FTSJ3: variants seen among roughly 807,000 people sequenced by gnomAD.
FTSJ3 encodes the protein FtsJ RNA 2'-O-methyltransferase 3, also known as pre-rRNA 2'-O-ribose RNA methyltransferase FTSJ3.
A neutral mutation model predicts 111.5 loss-of-function variants in FTSJ3; 46 were observed. The ratio of observed to expected loss-of-function variants is 0.41; its 90% confidence interval spans 0.33 to 0.53. The LOEUF is 0.53. FTSJ3 is among the 20% of genes least tolerant of loss of function. The pLI, the probability that FTSJ3 is intolerant of heterozygous loss-of-function variation, is 0.19. For missense variants in FTSJ3, 1,075 were observed against 1,063.8 expected, an observed-to-expected ratio of 1.01 and a Z score of -0.15; for synonymous variants, 408 against 383.0, an observed-to-expected ratio of 1.07 and a Z score of -0.76.
Position 63,822,098 on chromosome 17 carries a change from T to G in FTSJ3, c.1361A>C (p.Asp454Ala). Residue 454 changes from aspartate (D) to alanine (A), a missense_variant, in exon 14 of 21, where the codon GAT (aspartate) becomes GCT (alanine). Asp to Ala is a moderately radical substitution (Grantham distance 126, BLOSUM62 -2). Coordinates refer to ENST00000427159, the MANE Select transcript of FTSJ3 (RefSeq NM_017647.4). ...GTCCTCAACATCTGACACATAGATA[T>G]CATCCCTTGGCAGATCGGACAGAAA... The part of the protein sequence containing the change: ...DTFLSDLPRD[D>A]IYVSDVEDDG... The G allele has an allele frequency of 1.9e-6, 3 of 1,614,226 alleles. No individual in the cohort carries two copies. The South Asian group carries it at 3.3e-5, about 18-fold the overall frequency.
At chr17:63,821,150 A>T (rs764408305) in intron 16 of FTSJ3, 35 bp from the exon 17 acceptor site, 4 of 1,598,118 alleles carry the variant, frequency 2.5e-6, no homozygotes, top group Non-Finnish European at 3.4e-6. Flanking sequence ...TGATTCCACC[A>T]CTCTGTACTA....
At chr17:63,825,660 G>A (rs2040091868) in intron 5 of FTSJ3, 25 bp from the exon 6 acceptor site, 9 of 1,586,018 alleles carry the variant, frequency 5.7e-6, no homozygotes, top group Non-Finnish European at 7.8e-6. Context: ...AGGAACTATG[G>A]AAACAGAAAC....
At chr17:63,823,731 C>G in intron 13 of FTSJ3, 86 bp downstream of exon 13, 1 of 1,492,230 alleles carries the variant, frequency 6.7e-7, no homozygotes, top group East Asian at 2.3e-5. Flanking sequence ...GTTCGGCAAC[C>G]TAAAAAGACA....
chr17:63,822,114 C>A lies in FTSJ3; in HGVS notation c.1345G>T (p.Asp449Tyr), dbSNP rs550844629. 2.8e-5 allele frequency: 46 copies of A among 1,614,154 alleles called. No homozygotes were observed. The African/African-American group carries it at 5.6e-4, about 20-fold the overall frequency. ...ACATAGATATCATCCCTTGGCAGAT[C>A]GGACAGAAATGTGTCTGCTGCACTC... is the stretch of plus-strand genomic sequence containing the variant. ...DMSAADTFLS[D>Y]LPRDDIYVSD... The change falls in exon 14 of 21, where the codon GAT (aspartate) becomes TAT (tyrosine). Residue 449 changes from aspartate to tyrosine, a missense_variant. Asp to Tyr is a radical substitution (Grantham distance 160). Transcript: ENST00000427159.
At chr17:63,825,764 T>C (rs564943314) in intron 5 of FTSJ3, 129 bp from the exon 6 acceptor site, 10 of 746,796 alleles carry the variant, frequency 1.3e-5, no homozygotes, top group Admixed American at 7.4e-5. Flanking sequence ...GGAGATACAA[T>C]AGTAAACAAA....
At position 63,825,128 on chromosome 17, in the gene FTSJ3, A is replaced by G; in HGVS notation, c.631T>C (p.Phe211Leu). The change falls in exon 8 of 21, where the codon TTT (phenylalanine) becomes CTT (leucine). Residue 211 changes from phenylalanine to leucine, a missense_variant. Physicochemically the swap from Phe to Leu is conservative, Grantham distance 22. Coordinates refer to ENST00000427159, the MANE Select transcript of FTSJ3 (RefSeq NM_017647.4). ...LAPDKVDSKF[F>L]DPKFAFKEVE... is the part of the protein sequence containing the mutation. The stretch of plus-strand genomic sequence containing the variant: ...TCCTTAAAGGCAAATTTGGGGTCAA[A>G]GAATTTACTGTCAACCTTGTCAGGG... The G allele has an allele frequency of 6.2e-7, 1 of 1,614,206 alleles. No individual in the cohort carries two copies. The highest frequency in any genetic ancestry group is 8.5e-7 in the Non-Finnish European group (1 of 1,180,044).
chr17:63,823,851 C>T lies in FTSJ3; in HGVS notation c.1256G>A (p.Gly419Asp). 6.2e-7 allele frequency: 1 copy of T among 1,614,150 alleles called. No individual in the cohort carries two copies. Among genetic ancestry groups the T allele is most frequent in the South Asian group, 1.1e-5 (1 of 91,082 alleles). ...GVSIADEGET[G>D]MFSLSTIRGH... ...CCGGATGGTGCTCAAGGAGAACATG[C>T]CAGTCTCCCCCTCGTCTGCAATGGA... The change falls in exon 13 of 21, where the codon GGC becomes GAC. Residue 419 changes from glycine to aspartate, a missense_variant. Gly to Asp is a moderately conservative substitution (Grantham distance 94). Coordinates refer to ENST00000427159, the MANE Select transcript of FTSJ3 (RefSeq NM_017647.4).
chr17:63,821,312 A>G, intron 16 of FTSJ3, 42 bp downstream of exon 16: 1 of 1,573,996 alleles, frequency 6.4e-7, no homozygotes, highest in Non-Finnish European at 8.6e-7. Flanking sequence ...GGTTCAAGCC[A>G]CCGCTTCCTT....
rs566462928 is a variant in FTSJ3 at position 63,827,065 on chromosome 17, C to G, written c.-40G>C. ...TCCGCACACTACCTAGACCCAGAGC[C>G]GCTTTCTCCACACTTGGAACCGCAC... On this transcript the variant is annotated 5_prime_UTR_variant, in exon 1 of 21. Transcript: ENST00000427159. 19 of 679,958 alleles carry G rather than the reference C, an allele frequency of 2.8e-5. No individual in the cohort carries two copies. The highest frequency in any genetic ancestry group is 7.7e-6 in the Non-Finnish European group (3 of 389,098). The allele number at this position is 679,958 out of a possible 1,614,324, so 42.1% of individuals were successfully genotyped here.
Position 63,821,856 on chromosome 17 carries a change from A to T in FTSJ3, c.1476-13T>A. On this transcript the variant is annotated splice_polypyrimidine_tract_variant and intron_variant, in intron 14 of 20. Transcript: ENST00000427159. ...AGTAAGTCGCATACTGTAGACCCAA[A>T]GGAAAGTAGGGGGCTCAGAGACCCA... 2 of 1,614,016 alleles carry T rather than the reference A, an allele frequency of 1.2e-6. No individual in the cohort carries two copies. The highest frequency in any genetic ancestry group is 1.7e-6 in the Non-Finnish European group (2 of 1,180,024).
chr17:63,826,797 T>A, intron 2 of FTSJ3, 39 bp downstream of exon 2: 1 of 1,596,298 alleles, frequency 6.3e-7, no homozygotes, highest in Non-Finnish European at 8.6e-7. Context: ...CGGGCAGAGA[T>A]CGCTCGCTCG....
chr17:63,825,721 G>T, intron 5 of FTSJ3, 86 bp from the exon 6 acceptor site: 1 of 1,223,418 alleles, frequency 8.2e-7, no homozygotes, highest in Non-Finnish European at 1.2e-6. Flanking sequence ...TTTGCTGAGT[G>T]CCCATCATGG....
chr17:63,827,008 ACTTCCCG>A, intron 1 of FTSJ3, 37 bp downstream of exon 1: 1 of 653,642 alleles, frequency 1.5e-6, no homozygotes, highest in Non-Finnish European at 2.5e-6. Context: ...CCAGTTTCCC[ACTTCCCG>A]CAGCAATTCC....
At chr17:63,823,669 G>T in intron 13 of FTSJ3, 148 bp downstream of exon 13, 1 of 778,060 alleles carries the variant, frequency 1.3e-6, no homozygotes, top group East Asian at 2.5e-5. Flanking sequence ...TTTCTTTGTG[G>T]CCTTATACTC....
intron 15 of FTSJ3, 27 bp downstream of exon 15, chr17:63,821,696 G>A (rs567770177): frequency 3.0e-5 from 48 of 1,614,100 alleles, no homozygotes; most frequent in South Asian, 2.6e-4. Flanking sequence ...TCATCTCCCC[G>A]CAGTCTTGCC....
Position 63,819,597 on chromosome 17 carries a change from T to G in FTSJ3, c.*205A>C. 1 of 577,494 alleles carries G rather than the reference T, an allele frequency of 1.7e-6. No homozygotes were observed. The highest frequency in any genetic ancestry group is 1.9e-5 in the African/African-American group (1 of 53,794). The allele number at this position is 577,494 out of a possible 1,614,324, so 35.8% of individuals were successfully genotyped here. A position where few individuals can be genotyped will look rare whatever the true frequency, so the allele number is the denominator to read the frequency against. Reference sequence around the variant, plus strand: ...GAGTGTCAACACAGTTCAGCAGTGTTTTCATGGGAGACCTTCAGGCAGGCA... The same window carrying G: ...GAGTGTCAACACAGTTCAGCAGTGTGTTCATGGGAGACCTTCAGGCAGGCA... On this transcript the variant is annotated 3_prime_UTR_variant, in exon 21 of 21. Transcript: ENST00000427159.
chr17:63,826,367 C>G (rs1237532414), intron 3 of FTSJ3, 63 bp from the exon 4 acceptor site: 1 of 1,488,484 alleles, frequency 6.7e-7, no homozygotes, highest in Non-Finnish European at 9.4e-7. Context: ...GGCAACTGAT[C>G]TCTCATCCCT....
intron 13 of FTSJ3, among the ~76,000 whole-genome samples, chr17:63,822,536 G>GT (rs1291795318): frequency 6.6e-6 from 1 of 152,216 alleles, no homozygotes; most frequent in African/African-American, 2.4e-5. Flanking sequence ...CGTCTACACA[G>GT]TTTGTTTCCA....
chr17:63,821,596 G>T lies in FTSJ3; in HGVS notation c.1644C>A (p.Ile548=), dbSNP rs1392591647. ...IEDDADEALE[I]SQAQLLFENR... is the part of the protein sequence containing the mutation. ...TCTCAAATAACAGCTGGGCCTGACTGATCTCCAGGGCCTCATCGGCATCGT... is the reference window on the plus strand; with the variant it reads ...TCTCAAATAACAGCTGGGCCTGACTTATCTCCAGGGCCTCATCGGCATCGT... Residue 548 remains isoleucine (I), a synonymous_variant, in exon 16 of 21, where the codon ATC becomes ATA. Coordinates refer to ENST00000427159, the MANE Select transcript of FTSJ3 (RefSeq NM_017647.4). 1.2e-6 allele frequency: 2 copies of T among 1,613,830 alleles called. No homozygotes were observed. Among genetic ancestry groups the T allele is most frequent in the African/African-American group, 1.3e-5 (1 of 74,916 alleles).
Sources: gnomAD v4.1 joint callset for allele counts (sites outside exome capture counted in the v4.1 genomes callset) on GRCh38, gnomAD v4.1.1 for gene constraint, MANE v1.5 for transcripts, NCBI Gene and HGNC (gene_info 2026-07-23, HGNC 2026-07-21) for gene names.